ME1: variants seen among roughly 807,000 people sequenced by gnomAD.
ME1 encodes the protein NADP-dependent malic enzyme.
ME1 carries 74 observed loss-of-function variants against 66.4 expected under a neutral mutation model. The observed-to-expected ratio is 1.11, with a 90% CI of 0.92 to 1.35. The LOEUF (loss-of-function observed/expected upper bound fraction) is 1.35. Ranked by LOEUF, ME1 falls within the 40% of genes most tolerant of loss-of-function variation. The pLI is 0.00. For synonymous variants in ME1, 251 were observed against 235.6 expected (o/e 1.07, Z -0.60); for missense variants, 750 against 694.1 (o/e 1.08, Z -0.90).
chr6:83,419,469 G>A (rs1463592521), intron 1 of ME1, among the ~76,000 whole-genome samples: 1 of 152,056 alleles, frequency 6.6e-6, no homozygotes, highest in Non-Finnish European at 1.5e-5. Context: ...TCTGATTCAT[G>A]TCCTGTATCA....
chr6:83,342,228 A>G (rs1190589620), intron 5 of ME1, among the ~76,000 whole-genome samples: 1 of 152,158 alleles, frequency 6.6e-6, no homozygotes, highest in Non-Finnish European at 1.5e-5. Context: ...CAGGTCCTTG[A>G]GCGGCTGCTC....
At chr6:83,361,862 A>C (rs1348227442) in intron 3 of ME1, among the ~76,000 whole-genome samples, 1 of 152,174 alleles carries the variant, frequency 6.6e-6, no homozygotes, top group Non-Finnish European at 1.5e-5. Context: ...ACTGGGCTCA[A>C]ACAGGTCCTG....
At chr6:83,358,867 T>C (rs886253965) in intron 3 of ME1, among the ~76,000 whole-genome samples, 1 of 146,500 alleles carries the variant, frequency 6.8e-6, no homozygotes, top group Non-Finnish European at 1.5e-5. Flanking sequence ...CAAGATAATG[T>C]TTTTTTTTTT....
chr6:83,401,236 G>A (rs1309112570), intron 2 of ME1, among the ~76,000 whole-genome samples: 4 of 152,216 alleles, frequency 2.6e-5, no homozygotes, highest in African/African-American at 9.6e-5. Flanking sequence ...TTGGAAGGGT[G>A]AGGCAGGAGA....
At chr6:83,424,706 G>C (rs1770336164) in intron 1 of ME1, among the ~76,000 whole-genome samples, 1 of 152,146 alleles carries the variant, frequency 6.6e-6, no homozygotes, top group Non-Finnish European at 1.5e-5. Context: ...TTCAATTACA[G>C]AAGTATATCA....
chr6:83,404,884 G>T (rs1769909812), intron 2 of ME1, among the ~76,000 whole-genome samples: 1 of 152,164 alleles, frequency 6.6e-6, no homozygotes, highest in East Asian at 1.9e-4. Flanking sequence ...TTTGGTACCA[G>T]TACCATGTTG....
intron 3 of ME1, among the ~76,000 whole-genome samples, chr6:83,359,718 G>A (rs1039792375): frequency 1.3e-5 from 2 of 152,176 alleles, no homozygotes; most frequent in Non-Finnish European, 2.9e-5. Flanking sequence ...ATCCCAGTAG[G>A]GTGGGTCCAG....
At chr6:83,398,848 A>T (rs1236331493) in intron 2 of ME1, among the ~76,000 whole-genome samples, 2 of 151,864 alleles carry the variant, frequency 1.3e-5, no homozygotes, top group East Asian at 3.9e-4. Flanking sequence ...TCACGCCTGT[A>T]ATCCCAGCAC....
intron 9 of ME1, among the ~76,000 whole-genome samples, chr6:83,229,863 G>C (rs536399869): frequency 6.6e-6 from 1 of 152,238 alleles, no homozygotes; most frequent in South Asian, 2.1e-4. Flanking sequence ...GTCTCATTTT[G>C]TCATGCAAGT....
In ME1 at chr6:83,211,733, C is replaced by A; in HGVS notation, c.*191G>T. ...ACAGAAACCATAAATAACCAGAAGG[C>A]AAAGTGAAGCAAAATTGTCTCATGT... On this transcript the variant is annotated 3_prime_UTR_variant, in exon 14 of 14. Coordinates refer to ENST00000369705, the MANE Select transcript of ME1 (RefSeq NM_002395.6). The A allele has an allele frequency of 2.5e-6, 1 of 407,366 alleles. No individual in the cohort carries two copies. 25.2% of individuals were successfully genotyped at this position (407,366 alleles called of 1,614,324 possible).
chr6:83,328,576 G>C (rs1221067253), intron 5 of ME1, among the ~76,000 whole-genome samples: 2 of 151,890 alleles, frequency 1.3e-5, no homozygotes, highest in Non-Finnish European at 2.9e-5. Context: ...CAGAGATTTG[G>C]CTGACAAAAA....
chr6:83,415,836 A>G (rs1770150010), intron 1 of ME1, among the ~76,000 whole-genome samples: 1 of 152,064 alleles, frequency 6.6e-6, no homozygotes, highest in Admixed American at 6.6e-5. Context: ...GTTTATGGGG[A>G]TTTTTTAAAG....
chr6:83,297,156 C>T (rs1767612381), intron 6 of ME1, among the ~76,000 whole-genome samples: 2 of 152,046 alleles, frequency 1.3e-5, no homozygotes, highest in African/African-American at 2.4e-5. Flanking sequence ...TAAAAATACA[C>T]CAACAGCAGC....
At chr6:83,330,198 C>T (rs775970166) in intron 5 of ME1, among the ~76,000 whole-genome samples, 1 of 152,150 alleles carries the variant, frequency 6.6e-6, no homozygotes, top group African/African-American at 2.4e-5. Flanking sequence ...ACTGATGTAA[C>T]TATTCCTCAT....
intron 6 of ME1, among the ~76,000 whole-genome samples, chr6:83,314,383 T>G (rs1767986713): frequency 6.6e-6 from 1 of 152,148 alleles, no homozygotes; most frequent in Admixed American, 6.5e-5. Context: ...GTATATTATG[T>G]TTTATACTGT....
intron 3 of ME1, among the ~76,000 whole-genome samples, chr6:83,378,501 A>G (rs753851476): frequency 2.0e-5 from 3 of 152,158 alleles, no homozygotes; most frequent in Admixed American, 6.6e-5. Flanking sequence ...ACTAGATACA[A>G]TGAAAGTTAC....
intron 5 of ME1, among the ~76,000 whole-genome samples, chr6:83,320,507 A>T (rs1768130089): frequency 6.6e-6 from 1 of 152,262 alleles, no homozygotes; most frequent in Admixed American, 6.5e-5. Flanking sequence ...TCTGAAATCA[A>T]GTGCCGCTGT....
chr6:83,342,398 A>C lies in ME1; in HGVS notation c.600+3775T>G, dbSNP rs558456530. Reference sequence around the variant, plus strand: ...GAGAATTGGTTTGCTAAATGCCTTCAAAAGCCTTTACCAAAGAAAGCAATT... The same window carrying C: ...GAGAATTGGTTTGCTAAATGCCTTCCAAAGCCTTTACCAAAGAAAGCAATT... On this transcript the variant is annotated intron_variant, in intron 5 of 13. Coordinates refer to ENST00000369705, the MANE Select transcript of ME1 (RefSeq NM_002395.6). 1.2e-4 allele frequency among the ~76,000 whole-genome samples: 19 copies of C among 152,320 alleles called. No individual in the cohort carries two copies. In the South Asian group the frequency reaches 3.9e-3, roughly 32 times the overall value.
intron 5 of ME1, among the ~76,000 whole-genome samples, chr6:83,322,351 C>T (rs1768196515): frequency 6.6e-6 from 1 of 152,152 alleles, no homozygotes; most frequent in African/African-American, 2.4e-5. Context: ...TAATAACAAA[C>T]TTCTCTGAGC....
Sources: gnomAD v4.1 joint callset for allele counts (sites outside exome capture counted in the v4.1 genomes callset) on GRCh38, gnomAD v4.1.1 for gene constraint, MANE v1.5 for transcripts, NCBI Gene and HGNC (gene_info 2026-07-23, HGNC 2026-07-21) for gene names.